The following IFT88 variants were observed in gnomAD, a reference collection of about 807,000 sequenced individuals.
IFT88 encodes intraflagellar transport protein 88 homolog.
IFT88 carries 74 observed loss-of-function variants against 119.5 expected under a neutral mutation model. The observed-to-expected ratio is 0.62, with a 90% CI of 0.51 to 0.75. The LOEUF (loss-of-function observed/expected upper bound fraction) is 0.75, where lower values mean the gene tolerates loss of function less well. IFT88 is among the 30% of genes least tolerant of loss of function. The pLI is 0.00. For missense variants in IFT88, 961 were observed against 977.7 expected (o/e 0.98, Z 0.23); for synonymous variants, 279 against 316.7 (o/e 0.88, Z 1.26).
intron 20 of IFT88, among the ~76,000 whole-genome samples, chr13:20,650,842 G>GA (rs1203409944): frequency 1.3e-5 from 2 of 152,070 alleles, no homozygotes; most frequent in African/African-American, 2.4e-5. Context: ...AGGAAATTGA[G>GA]AAAAAAATTG....
intron 13 of IFT88, among the ~76,000 whole-genome samples, chr13:20,609,147 C>T (rs2044025113): frequency 6.6e-6 from 1 of 152,070 alleles, no homozygotes; most frequent in Non-Finnish European, 1.5e-5. Context: ...GCTTATGGGT[C>T]AAAAACTGTT....
chr13:20,657,286 TAC>T (rs1319239575), intron 22 of IFT88, among the ~76,000 whole-genome samples: 1 of 152,252 alleles, frequency 6.6e-6, no homozygotes, highest in Non-Finnish European at 1.5e-5. Flanking sequence ...TGATGCAACT[TAC>T]AGTAATAATG....
At chr13:20,668,854 T>A (rs2055250825) in intron 23 of IFT88, among the ~76,000 whole-genome samples, 1 of 152,226 alleles carries the variant, frequency 6.6e-6, no homozygotes, top group South Asian at 2.1e-4. Context: ...GTTTTCCTTT[T>A]ATTCTCTAAG....
At chr13:20,569,624 G>T (rs2035840061) in intron 1 of IFT88, among the ~76,000 whole-genome samples, 1 of 151,740 alleles carries the variant, frequency 6.6e-6, no homozygotes, top group Admixed American at 6.6e-5. Flanking sequence ...ATAGTACAAA[G>T]AATGTAAAAT....
At chr13:20,687,996 AG>A (rs1297867972) in intron 24 of IFT88, among the ~76,000 whole-genome samples, 2 of 152,330 alleles carry the variant, frequency 1.3e-5, no homozygotes, top group Non-Finnish European at 2.9e-5. Context: ...CCTGTCACAA[AG>A]CTAGGACTTC....
At chr13:20,650,621 G>A (rs1034631203) in intron 20 of IFT88, among the ~76,000 whole-genome samples, 2 of 152,062 alleles carry the variant, frequency 1.3e-5, no homozygotes, top group Admixed American at 6.5e-5. Context: ...GAGCAGGTAG[G>A]CAAGAAAAAG....
intron 11 of IFT88, among the ~76,000 whole-genome samples, chr13:20,600,028 C>T (rs2042343777): frequency 6.6e-6 from 1 of 152,080 alleles, no homozygotes; most frequent in Non-Finnish European, 1.5e-5. Flanking sequence ...ACAGTAAGTT[C>T]TCTTATGGTC....
chr13:20,612,136 A>G (rs2044668691), intron 13 of IFT88: 1 of 152,240 alleles, frequency 6.6e-6, no homozygotes, highest in Non-Finnish European at 1.5e-5. Context: ...TACAAAAATC[A>G]ATAGTGTAGT....
chr13:20,630,993 A>T, intron 15 of IFT88, 23 bp from the exon 16 acceptor site: 1 of 1,393,430 alleles, frequency 7.2e-7, no homozygotes, highest in Non-Finnish European at 1.0e-6. Flanking sequence ...AGTGGTAGTA[A>T]CCTTCAGATA....
At chr13:20,654,048 G>A (rs2052303721) in intron 21 of IFT88, 120 bp downstream of exon 21, 1 of 473,984 alleles carries the variant, frequency 2.1e-6, no homozygotes, top group South Asian at 4.9e-5. Flanking sequence ...TTTTATAACT[G>A]TACATAATTC....
At chr13:20,639,827 C>T (rs1222247686) in intron 17 of IFT88, among the ~76,000 whole-genome samples, 5 of 115,406 alleles carry the variant, frequency 4.3e-5, no homozygotes, top group South Asian at 5.9e-4. Flanking sequence ...CTTGCTCTGT[C>T]GTCTAGGCTG....
intron 24 of IFT88, among the ~76,000 whole-genome samples, chr13:20,672,932 T>C (rs1371746096): frequency 6.6e-6 from 1 of 152,154 alleles, no homozygotes; most frequent in Non-Finnish European, 1.5e-5. Flanking sequence ...GTCCACAGAC[T>C]AGGCATTGTG....
intron 14 of IFT88, among the ~76,000 whole-genome samples, chr13:20,623,543 C>T (rs189935212): frequency 4.6e-5 from 7 of 152,236 alleles, no homozygotes; most frequent in African/African-American, 9.6e-5. Flanking sequence ...GTCGTGATCT[C>T]GGCTCACTGC....
chr13:20,611,577 T>G (rs1594186392), intron 13 of IFT88, among the ~76,000 whole-genome samples: 1 of 132,912 alleles, frequency 7.5e-6, no homozygotes, highest in South Asian at 2.4e-4. Context: ...AGGAACAAGA[T>G]AGGGATATCC....
chr13:20,593,707 C>A (rs1010332678), intron 7 of IFT88, among the ~76,000 whole-genome samples: 11 of 151,704 alleles, frequency 7.3e-5, no homozygotes, highest in Non-Finnish European at 1.6e-4. Flanking sequence ...AATATTATGT[C>A]ATTCATGGTC....
chr13:20,626,277 G>T (rs1470063590), intron 15 of IFT88, among the ~76,000 whole-genome samples: 1 of 151,790 alleles, frequency 6.6e-6, no homozygotes, highest in African/African-American at 2.4e-5. Context: ...AGCCAGGATG[G>T]TCTCGATCTC....
chr13:20,685,280 C>G lies in IFT88; in HGVS notation c.2243-5425C>G, dbSNP rs2057787611. On this transcript the variant is annotated intron_variant, in intron 24 of 25. Coordinates refer to ENST00000351808, the MANE Select transcript of IFT88 (RefSeq NM_006531.5). ...GGGGGGCCAGGTTTTCCTTGCCCTG[C>G]TCCAGTAAACCAACGACTTCTAGCA... 3.3e-5 allele frequency among the ~76,000 whole-genome samples: 5 copies of G among 152,124 alleles called. No homozygotes were observed. The South Asian group carries it at 1.0e-3, about 32-fold the overall frequency.
chr13:20,685,241 C>T (rs893036299), intron 24 of IFT88, among the ~76,000 whole-genome samples: 7 of 152,140 alleles, frequency 4.6e-5, no homozygotes, highest in Non-Finnish European at 5.9e-5. Context: ...AGCAGTTTTC[C>T]GCTCCCGGGG....
At chr13:20,678,049 G>A (rs538324994) in intron 24 of IFT88, among the ~76,000 whole-genome samples, 1 of 152,172 alleles carries the variant, frequency 6.6e-6, no homozygotes, top group Non-Finnish European at 1.5e-5. Flanking sequence ...ACTACAGAGG[G>A]CCATTAGATT....
Sources: allele counts gnomAD v4.1 joint callset (sites outside exome capture counted in the v4.1 genomes callset), GRCh38; gene constraint gnomAD v4.1.1; transcripts MANE v1.5; gene names NCBI Gene and HGNC (gene_info 2026-07-23, HGNC 2026-07-21).